SNED1: variants seen among roughly 807,000 people sequenced by gnomAD.
SNED1 encodes sushi, nidogen and EGF like domains 1, also known as sushi, nidogen and EGF-like domain-containing protein 1.
In SNED1, 81 loss-of-function variants were observed where a neutral mutation model predicts 166.7. The ratio of observed to expected loss-of-function variants is 0.49; its 90% CI spans 0.41 to 0.58. The LOEUF is 0.58. SNED1 is among the 20% of genes least tolerant of loss of function. The pLI is 0.00. For synonymous variants in SNED1, 762 were observed against 822.0 expected (o/e 0.93, Z 1.25); for missense variants, 1,604 against 2,000.2 (o/e 0.80, Z 3.78).
chr2:241,001,638 G>A (rs891823634), intron 1 of SNED1, among the ~76,000 whole-genome samples: 2 of 152,234 alleles, frequency 1.3e-5, no homozygotes, highest in South Asian at 2.1e-4. Context: ...GCATTAAGAC[G>A]GAGCTTGCCG....
chr2:241,093,987 G>C lies in SNED1; in HGVS notation c.*2351G>C, dbSNP rs1218940142. The C allele has an allele frequency of 9.2e-6, 2 of 217,558 alleles. No individual in the cohort carries two copies. The highest frequency in any genetic ancestry group is 4.7e-5 in the African/African-American group (2 of 42,716). The allele number at this position is 217,558 out of a possible 1,614,324, so 13.5% of individuals were successfully genotyped here. A position where few individuals can be genotyped will look rare whatever the true frequency, so the allele number is the denominator to read the frequency against. ...TGGACTGATCATCTAACCAAGTGCA[G>C]ACTGAGGATTCTACTTAGTCCTCCG... On this transcript the variant is annotated 3_prime_UTR_variant, in exon 32 of 32. Transcript: ENST00000310397.
chr2:241,066,766 A>G (rs2062469455), intron 21 of SNED1, among the ~76,000 whole-genome samples: 1 of 152,180 alleles, frequency 6.6e-6, no homozygotes, highest in African/African-American at 2.4e-5. Context: ...CGGTTCTCAC[A>G]GGAGGAAAGC....
chr2:241,029,808 G>A (rs1054066250), intron 1 of SNED1, among the ~76,000 whole-genome samples: 7 of 152,194 alleles, frequency 4.6e-5, no homozygotes, highest in South Asian at 2.1e-4. Flanking sequence ...ATCCCCCTCC[G>A]CTCTAGTGGG....
chr2:241,050,272 A>G (rs556220395), intron 12 of SNED1, among the ~76,000 whole-genome samples: 8 of 152,358 alleles, frequency 5.3e-5, no homozygotes, highest in African/African-American at 1.9e-4. Flanking sequence ...CTAATTCAGC[A>G]TGGAAAATGT....
chr2:241,012,662 G>A (rs1453256106), intron 1 of SNED1, among the ~76,000 whole-genome samples: 1 of 152,174 alleles, frequency 6.6e-6, no homozygotes, highest in Non-Finnish European at 1.5e-5. Context: ...AAAATTGTGT[G>A]ATTTAATATA....
intron 1 of SNED1, among the ~76,000 whole-genome samples, chr2:241,006,680 C>A (rs1428714930): frequency 6.6e-6 from 1 of 152,142 alleles, no homozygotes; most frequent in East Asian, 1.9e-4. Context: ...GTATATACAT[C>A]TGTGTGTCTA....
intron 26 of SNED1, chr2:241,072,820 T>G (rs2062801591): frequency 1.0e-5 from 2 of 196,226 alleles, no homozygotes; most frequent in Non-Finnish European, 2.1e-5. Flanking sequence ...GATCCCTGCA[T>G]AAGAAGTGAT....
chr2:241,008,938 A>G (rs1191610170), intron 1 of SNED1, among the ~76,000 whole-genome samples: 2 of 152,142 alleles, frequency 1.3e-5, no homozygotes, highest in African/African-American at 2.4e-5. Context: ...GGGCCCTCAA[A>G]CCCATCTTTC....
intron 1 of SNED1, among the ~76,000 whole-genome samples, chr2:241,020,377 T>C (rs978534281): frequency 4.6e-5 from 7 of 152,236 alleles, no homozygotes; most frequent in East Asian, 1.9e-4. Context: ...GGGGACGCCA[T>C]TGGGCTCCAG....
At chr2:241,022,458 C>T (rs149090955) in intron 1 of SNED1, among the ~76,000 whole-genome samples, 1 of 152,240 alleles carries the variant, frequency 6.6e-6, no homozygotes, top group Non-Finnish European at 1.5e-5. Flanking sequence ...TCCAGTCTTA[C>T]CAGCACCATT....
At chr2:241,017,966 G>A (rs73110132) in intron 1 of SNED1, among the ~76,000 whole-genome samples, 35 of 152,270 alleles carry the variant, frequency 2.3e-4, no homozygotes, top group African/African-American at 7.5e-4. Flanking sequence ...TGACCAACTC[G>A]TCCTGGTTTA....
upstream of SNED1, among the ~76,000 whole-genome samples, chr2:240,998,436 C>T (rs2059975492): frequency 6.6e-6 from 1 of 152,222 alleles, no homozygotes; most frequent in African/African-American, 2.4e-5. Flanking sequence ...ATGGCCCCAC[C>T]ACAGGGCGCG....
intron 26 of SNED1, chr2:241,072,759 T>G: frequency 1.1e-5 from 2 of 188,036 alleles, no homozygotes; most frequent in Non-Finnish European, 2.2e-5. Flanking sequence ...GGGGGGCCCG[T>G]TGTACTTGCA....
chr2:241,065,421 G>A lies in SNED1; in HGVS notation c.2836G>A (p.Val946Ile), dbSNP rs990283960. ...GCTTGATGGCTACGCGGTCACCTAC[G>A]TCTCCTCCGACGGCTCCTACCGCCG... ...QMLDGYAVTY[V>I]SSDGSYRRTD... is the part of the protein sequence containing the mutation. The change falls in exon 21 of 32, where the codon GTC (valine) becomes ATC (isoleucine). Residue 946 changes from valine to isoleucine, a missense_variant. Transcript: ENST00000310397. 13 of 1,612,946 alleles carry A rather than the reference G, an allele frequency of 8.1e-6. No individual in the cohort carries two copies. Among genetic ancestry groups the A allele is most frequent in the South Asian group, 6.6e-5 (6 of 91,078 alleles).
At chr2:241,022,008 G>T (rs1000702486) in intron 1 of SNED1, among the ~76,000 whole-genome samples, 6 of 152,162 alleles carry the variant, frequency 3.9e-5, no homozygotes, top group Admixed American at 3.3e-4. Context: ...CTCCCTAATG[G>T]TTAATGCTGT....
In SNED1 at chr2:241,069,868, C is replaced by A; in HGVS notation, c.3308-52C>A. The A allele has an allele frequency of 6.3e-7, 1 of 1,579,982 alleles. No individual in the cohort carries two copies. Among genetic ancestry groups the A allele is most frequent in the Non-Finnish European group, 8.6e-7 (1 of 1,163,376 alleles). On this transcript the variant is annotated intron_variant, in intron 23 of 31. Coordinates refer to ENST00000310397, the MANE Select transcript of SNED1 (RefSeq NM_001080437.3). The surrounding 1 kb of genome is among the most constrained non-coding windows in gnomAD (Gnocchi z 4.9). ...TCCGGTTCTCAAACCGTGTTCTTGC[C>A]AGAAGACCCTGTGGGCACCCCCTCA...
Position 241,062,812 on chromosome 2 carries a change from A to T in SNED1, c.2279A>T (p.Gln760Leu). 6.2e-7 allele frequency: 1 copy of T among 1,611,186 alleles called. No homozygotes were observed. Among genetic ancestry groups the T allele is most frequent in the Non-Finnish European group, 8.5e-7 (1 of 1,178,782 alleles). The change falls in exon 17 of 32, where the codon CAG becomes CTG. Residue 760 changes from glutamine to leucine, a missense_variant. Coordinates refer to ENST00000310397, the MANE Select transcript of SNED1 (RefSeq NM_001080437.3). ...TCAGAAATCGATGAGTGCCGGTCTC[A>T]GCCGTGCCTGCATGGGGGCTCTTGT... Reference protein sequence around the residue: ...QCLEIDECRSQPCLHGGSCQD... With the variant: ...QCLEIDECRSLPCLHGGSCQD...
chr2:241,063,453 A>G, intron 17 of SNED1, 134 bp from the exon 18 acceptor site: 1 of 691,972 alleles, frequency 1.4e-6, no homozygotes, highest in South Asian at 1.5e-5. Flanking sequence ...TGGAAGAAAA[A>G]GCACATGTCC....
In SNED1 at chr2:241,037,254, G is replaced by A. The variant is rs1320416474; in HGVS notation, c.946G>A (p.Ala316Thr). 6.2e-7 allele frequency: 1 copy of A among 1,610,102 alleles called. No homozygotes were observed. The highest frequency in any genetic ancestry group is 8.5e-7 in the Non-Finnish European group (1 of 1,178,460). ...RRCHLDVNEC[A>T]SQPCQNGGTC... Reference sequence around the variant, plus strand: ...CCATGTTTCAGACGTGAACGAATGTGCCTCCCAGCCCTGTCAGAATGGTGG... The same window carrying A: ...CCATGTTTCAGACGTGAACGAATGTACCTCCCAGCCCTGTCAGAATGGTGG... Residue 316 changes from alanine (A) to threonine (T), a missense_variant, in exon 6 of 32, where the codon GCC becomes ACC. Around this residue, in one of 2 missense-constraint regions of SNED1, gnomAD observed 1,237 missense variants for 1,620.8 expected, o/e 0.76. Transcript: ENST00000310397.
Sources: gnomAD v4.1 joint callset for allele counts (sites outside exome capture counted in the v4.1 genomes callset) on GRCh38, gnomAD v4.1.1 for gene constraint, gnomAD v4.1.1 regional missense constraint, Gnocchi (gnomAD v3.1) non-coding constraint, MANE v1.5 for transcripts, NCBI Gene and HGNC (gene_info 2026-07-23, HGNC 2026-07-21) for gene names.